The following SGCD variants were observed in gnomAD, a reference collection of about 807,000 sequenced individuals.
The protein encoded by SGCD is sarcoglycan delta, also known as delta-sarcoglycan.
In SGCD, 18 loss-of-function variants were observed where a neutral mutation model predicts 36.6. That is an observed-to-expected ratio of 0.49 (90% confidence interval 0.34 to 0.73). The LOEUF is 0.73. Ranked by LOEUF, SGCD falls within the 30% of genes least tolerant of loss-of-function variation. The probability of loss-of-function intolerance (pLI) is 0.01; values close to 1 mark genes in which losing one functional copy is unlikely to be tolerated. For missense variants in SGCD, 387 were observed against 346.7 expected, an observed-to-expected ratio of 1.12 and a Z score of -0.92; for synonymous variants, 133 against 130.6, an observed-to-expected ratio of 1.02 and a Z score of -0.12.
chr5:156,186,162 T>C (rs1319599993), intron 3 of SGCD, among the ~76,000 whole-genome samples: 1 of 151,972 alleles, frequency 6.6e-6, no homozygotes, highest in Non-Finnish European at 1.5e-5. Flanking sequence ...ACCCCTCTTA[T>C]ACCAGGACCT....
intron 3 of SGCD, among the ~76,000 whole-genome samples, chr5:156,283,539 CT>C (rs1766513350): frequency 6.6e-6 from 1 of 152,104 alleles, no homozygotes; most frequent in Non-Finnish European, 1.5e-5. Context: ...CTGTTGTTAT[CT>C]CTGCTAATAT....
intron 6 of SGCD, 104 bp downstream of exon 6, chr5:156,595,155 T>C (rs1760877392): frequency 7.6e-6 from 10 of 1,322,320 alleles, no homozygotes; most frequent in African/African-American, 1.5e-5. Flanking sequence ...AAAATTCATA[T>C]ATCGAAATCC....
intron 3 of SGCD, among the ~76,000 whole-genome samples, chr5:156,170,414 T>G (rs1290394508): frequency 2.6e-5 from 4 of 152,202 alleles, no homozygotes; most frequent in Non-Finnish European, 5.9e-5. Flanking sequence ...AGAAAAATCA[T>G]AAAGCCTTTG....
At chr5:155,820,338 T>C in the SGCD span, among the ~76,000 whole-genome samples, 9 of 152,232 alleles carry the variant, frequency 5.9e-5, no homozygotes, top group East Asian at 1.2e-3. Context: ...CTTCAATCTA[T>C]AGAGGTGATC....
At chr5:156,132,239 T>TTGTG (rs763564801) in intron 3 of SGCD, among the ~76,000 whole-genome samples, 2 of 150,066 alleles carry the variant, frequency 1.3e-5, no homozygotes, top group Non-Finnish European at 3.0e-5. Flanking sequence ...AGGGGTGTGT[T>TTGTG]TGTGTGTGTG....
the SGCD span, among the ~76,000 whole-genome samples, chr5:155,774,113 G>A: frequency 6.6e-6 from 1 of 152,080 alleles, no homozygotes; most frequent in Non-Finnish European, 1.5e-5. Flanking sequence ...TAAGAGAAGC[G>A]ACTGAGGAAA....
At chr5:156,292,617 C>G (rs1275860930) in intron 3 of SGCD, among the ~76,000 whole-genome samples, 1 of 151,972 alleles carries the variant, frequency 6.6e-6, no homozygotes, top group Non-Finnish European at 1.5e-5. Flanking sequence ...AGTATATACC[C>G]AGAAGTAGAA....
At chr5:156,007,430 A>T (rs1164265341) in intron 1 of SGCD, among the ~76,000 whole-genome samples, 1 of 152,254 alleles carries the variant, frequency 6.6e-6, no homozygotes, top group East Asian at 1.9e-4. Flanking sequence ...GCATGAAAGA[A>T]AAACAAAGCA....
chr5:156,302,874 G>GA (rs1343634604), intron 3 of SGCD, among the ~76,000 whole-genome samples: 4 of 152,150 alleles, frequency 2.6e-5, no homozygotes, highest in Non-Finnish European at 5.9e-5. Flanking sequence ...GGTTATACAA[G>GA]CACCACTGTG....
At chr5:156,445,628 C>T (rs1753726450) in intron 3 of SGCD, among the ~76,000 whole-genome samples, 1 of 152,086 alleles carries the variant, frequency 6.6e-6, no homozygotes. Flanking sequence ...CTATTTGTGA[C>T]CTCTGTGACC....
At chr5:156,472,121 T>C (rs1018014109) in intron 3 of SGCD, among the ~76,000 whole-genome samples, 1 of 152,174 alleles carries the variant, frequency 6.6e-6, no homozygotes, top group African/African-American at 2.4e-5. Context: ...GTGTTGAGGA[T>C]ATGAAGTAAC....
intron 7 of SGCD, among the ~76,000 whole-genome samples, chr5:156,686,957 A>AT (rs1753926880): frequency 6.6e-6 from 1 of 152,102 alleles, no homozygotes; most frequent in Non-Finnish European, 1.5e-5. Flanking sequence ...GGGCAGTCCC[A>AT]TTTTTCAAGG....
chr5:156,444,214 T>C lies in SGCD; in HGVS notation c.193-64387T>C, dbSNP rs1229735169. On this transcript the variant is annotated intron_variant, in intron 3 of 8. Transcript: ENST00000337851. Reference sequence around the variant, plus strand: ...TCCTTCCCTCTCTCCCTCCTTCCTTTTATCTCTCTCTCTCTCTCTCTGTGT... The same window carrying C: ...TCCTTCCCTCTCTCCCTCCTTCCTTCTATCTCTCTCTCTCTCTCTCTGTGT... Among the ~76,000 whole-genome samples, 8 of 140,926 alleles carry C rather than the reference T, an allele frequency of 5.7e-5. No individual in the cohort carries two copies. In the East Asian group the frequency reaches 1.5e-3, roughly 26 times the overall value. 92.5% of individuals were successfully genotyped at this position (140,926 alleles called of 152,430 possible). A position where few individuals can be genotyped will look rare whatever the true frequency, so the allele number is the denominator to read the frequency against.
At chr5:156,602,852 G>C (rs1233634878) in intron 6 of SGCD, among the ~76,000 whole-genome samples, 1 of 152,008 alleles carries the variant, frequency 6.6e-6, no homozygotes, top group Non-Finnish European at 1.5e-5. Context: ...TTAATATTTT[G>C]TTGAGAAATT....
chr5:156,127,852 TGC>T (rs1762214832), intron 3 of SGCD, among the ~76,000 whole-genome samples: 1 of 7,258 alleles, frequency 1.4e-4, no homozygotes, highest in African/African-American at 1.2e-3. Context: ...GAAACATAAA[TGC>T]AAAAAAAAAA....
At chr5:156,710,629 G>A (rs1443737907) in intron 7 of SGCD, among the ~76,000 whole-genome samples, 1 of 152,164 alleles carries the variant, frequency 6.6e-6, no homozygotes, top group Non-Finnish European at 1.5e-5. Context: ...GCAGGTAAAG[G>A]TGGATTCAAA....
intron 7 of SGCD, among the ~76,000 whole-genome samples, chr5:156,669,410 T>C (rs572690181): frequency 6.6e-6 from 1 of 152,310 alleles, no homozygotes; most frequent in South Asian, 2.1e-4. Context: ...GGAAAGGAAA[T>C]TTGAAAGACT....
chr5:156,631,196 C>T (rs1349197089), intron 6 of SGCD, among the ~76,000 whole-genome samples: 1 of 152,158 alleles, frequency 6.6e-6, no homozygotes, highest in Admixed American at 6.5e-5. Context: ...CTTGGTAATT[C>T]ATCTTTATTT....
chr5:156,124,061 A>G (rs939003063), intron 3 of SGCD: 4 of 152,184 alleles, frequency 2.6e-5, no homozygotes, highest in Non-Finnish European at 5.9e-5. Context: ...ACAAATGTGA[A>G]CATTTAAAGA....
Sources: allele counts gnomAD v4.1 joint callset (sites outside exome capture counted in the v4.1 genomes callset), GRCh38; gene constraint gnomAD v4.1.1; transcripts MANE v1.5; gene names NCBI Gene and HGNC (gene_info 2026-07-23, HGNC 2026-07-21).